The following CSMD1 variants were observed in gnomAD, a reference collection of about 807,000 sequenced individuals.
CSMD1 encodes CUB and Sushi multiple domains 1, also known as CUB and sushi domain-containing protein 1.
Under a neutral mutation model 417.5 loss-of-function variants are expected in CSMD1, and 213 were observed. The observed-to-expected ratio is 0.51, with a 90% CI of 0.46 to 0.57. The LOEUF (loss-of-function observed/expected upper bound fraction) is 0.57, where lower values mean the gene tolerates loss of function less well. Among genes scored for constraint, CSMD1 ranks in the 20% least tolerant of loss-of-function variants. CSMD1 has a pLI of 0.00. For synonymous variants in CSMD1, 2,862 were observed against 1,736.8 expected (o/e 1.65, Z -16.11); for missense variants, 6,923 against 4,529.7 (o/e 1.53, Z -15.17).
At chr8:3,386,633 T>C (rs529869042) in intron 18 of CSMD1, among the ~76,000 whole-genome samples, 31 of 152,316 alleles carry the variant, frequency 2.0e-4, no homozygotes, top group African/African-American at 6.7e-4. Context: ...AGGAAATACC[T>C]TTGTCTGTGA....
intron 1 of CSMD1, among the ~76,000 whole-genome samples, chr8:4,754,895 T>C (rs983066507): frequency 2.0e-5 from 3 of 151,810 alleles, no homozygotes; most frequent in African/African-American, 4.8e-5. Context: ...TCCAAGCACT[T>C]TGTGAATCCA....
intron 1 of CSMD1, chr8:4,787,902 T>G (rs781548752): frequency 4.4e-6 from 7 of 1,586,116 alleles, no homozygotes; most frequent in Non-Finnish European, 6.0e-6. Context: ...TTGGTGTTGA[T>G]GTAACCACAA....
chr8:4,921,511 G>C (rs1397679462), intron 1 of CSMD1, among the ~76,000 whole-genome samples: 1 of 152,060 alleles, frequency 6.6e-6, no homozygotes, highest in African/African-American at 2.4e-5. Context: ...TTGTGATGTT[G>C]GAATCACTAT....
chr8:4,403,444 A>C (rs1226279361), intron 3 of CSMD1, among the ~76,000 whole-genome samples: 1 of 152,110 alleles, frequency 6.6e-6, no homozygotes, highest in East Asian at 1.9e-4. Flanking sequence ...ATTCGACTCA[A>C]AATGTCCTTA....
chr8:3,992,444 G>C (rs543352361), intron 5 of CSMD1, among the ~76,000 whole-genome samples: 9 of 152,150 alleles, frequency 5.9e-5, no homozygotes, highest in Admixed American at 1.3e-4. Flanking sequence ...GAGGTGCATA[G>C]CTTACAACAG....
intron 23 of CSMD1, among the ~76,000 whole-genome samples, chr8:3,311,604 G>A (rs115575706): frequency 6.6e-6 from 1 of 152,168 alleles, no homozygotes; most frequent in African/African-American, 2.4e-5. Context: ...TGCTAGTATT[G>A]AATACTGTAC....
intron 1 of CSMD1, among the ~76,000 whole-genome samples, chr8:4,761,872 T>A (rs961105796): frequency 1.1e-5 from 1 of 90,662 alleles, no homozygotes; most frequent in African/African-American, 4.0e-5. Flanking sequence ...TCTATCTATC[T>A]ATCTATCTAT....
intron 3 of CSMD1, among the ~76,000 whole-genome samples, chr8:4,351,554 C>A (rs1454935591): frequency 6.6e-6 from 1 of 152,136 alleles, no homozygotes; most frequent in African/African-American, 2.4e-5. Context: ...AGTGGCCGGT[C>A]AGTTTGGCTT....
intron 3 of CSMD1, among the ~76,000 whole-genome samples, chr8:4,130,202 C>G (rs146624296): frequency 2.0e-5 from 3 of 152,134 alleles, no homozygotes; most frequent in Non-Finnish European, 4.4e-5. Context: ...TTGAGTGGCT[C>G]AGGGTCCCTC....
At chr8:4,452,875 T>G (rs775478346) in intron 2 of CSMD1, among the ~76,000 whole-genome samples, 3 of 152,192 alleles carry the variant, frequency 2.0e-5, no homozygotes, top group Non-Finnish European at 2.9e-5. Flanking sequence ...GAAGGCCGAC[T>G]GTGAAACAAA....
intron 1 of CSMD1, among the ~76,000 whole-genome samples, chr8:4,990,818 G>T (rs1268090661): frequency 1.3e-5 from 2 of 152,154 alleles, no homozygotes; most frequent in Non-Finnish European, 2.9e-5. Context: ...TTGGTGGGAT[G>T]AGTCTTTAAT....
chr8:4,305,280 G>A (rs1324648013), intron 3 of CSMD1, among the ~76,000 whole-genome samples: 3 of 152,168 alleles, frequency 2.0e-5, no homozygotes, highest in Non-Finnish European at 4.4e-5. Context: ...TGGGAACTGA[G>A]CTGCATCAGC....
intron 1 of CSMD1, among the ~76,000 whole-genome samples, chr8:4,846,720 C>G (rs1453763493): frequency 6.6e-6 from 1 of 152,176 alleles, no homozygotes; most frequent in Non-Finnish European, 1.5e-5. Context: ...AGATTAAAAT[C>G]TTGTTCTGAT....
At chr8:4,300,074 C>G (rs1042482722) in intron 3 of CSMD1, among the ~76,000 whole-genome samples, 1 of 152,194 alleles carries the variant, frequency 6.6e-6, no homozygotes, top group Non-Finnish European at 1.5e-5. Flanking sequence ...GTCAGAACAT[C>G]TGGATTTAGG....
At chr8:3,415,963 C>T (rs1053446457) in intron 12 of CSMD1, among the ~76,000 whole-genome samples, 3 of 152,064 alleles carry the variant, frequency 2.0e-5, no homozygotes, top group Non-Finnish European at 2.9e-5. Context: ...CAATGAGTAG[C>T]CACTAGCTAC....
intron 1 of CSMD1, among the ~76,000 whole-genome samples, chr8:4,659,200 A>G (rs940647076): frequency 1.3e-5 from 2 of 152,164 alleles, no homozygotes; most frequent in Admixed American, 6.5e-5. Context: ...ACAAAAATAT[A>G]TATGGAATCA....
chr8:4,046,515 T>C (rs374947489), intron 3 of CSMD1, among the ~76,000 whole-genome samples: 2 of 152,204 alleles, frequency 1.3e-5, no homozygotes, highest in South Asian at 2.1e-4. Context: ...GTGGTTGCTG[T>C]TGCCTTACAC....
intron 11 of CSMD1, among the ~76,000 whole-genome samples, chr8:3,475,448 T>C (rs1018289761): frequency 6.6e-6 from 1 of 152,248 alleles, no homozygotes; most frequent in African/African-American, 2.4e-5. Context: ...CAAATAATGA[T>C]GTAAATCTTA....
chr8:3,276,829 T>C (rs148411694), intron 26 of CSMD1, among the ~76,000 whole-genome samples: 14 of 152,246 alleles, frequency 9.2e-5, no homozygotes, highest in African/African-American at 3.1e-4. Flanking sequence ...GCATATCTAA[T>C]TAGCAGACAC....
Sources: allele counts gnomAD v4.1 joint callset (sites outside exome capture counted in the v4.1 genomes callset), GRCh38; gene constraint gnomAD v4.1.1; transcripts MANE v1.5; gene names NCBI Gene and HGNC (gene_info 2026-07-23, HGNC 2026-07-21).